Variants in TAFA1 observed in about 807,000 individuals in gnomAD.
TAFA1 encodes TAFA chemokine like family member 1.
Under a neutral mutation model 18.5 loss-of-function variants are expected in TAFA1, and 4 were observed. That is an observed-to-expected ratio of 0.22 (90% CI 0.11 to 0.49). TAFA1 has a LOEUF of 0.49. TAFA1 is among the 20% of genes least tolerant of loss of function. TAFA1 has a pLI of 0.98. For synonymous variants in TAFA1, 56 were observed against 55.2 expected, an observed-to-expected ratio of 1.01 and a Z score of -0.06; for missense variants, 147 against 169.0, an observed-to-expected ratio of 0.87 and a Z score of 0.72.
At chr3:68,135,855 T>C (rs2065600937) in intron 2 of TAFA1, among the ~76,000 whole-genome samples, 1 of 152,226 alleles carries the variant, frequency 6.6e-6, no homozygotes, top group African/African-American at 2.4e-5. Context: ...GATGTATGTT[T>C]CACACATATT....
intron 3 of TAFA1, among the ~76,000 whole-genome samples, chr3:68,536,432 C>T (rs989591787): frequency 5.3e-5 from 8 of 152,150 alleles, no homozygotes; most frequent in African/African-American, 1.9e-4. Flanking sequence ...TGGAGAGCAT[C>T]TTTGGAACAT....
intron 2 of TAFA1, among the ~76,000 whole-genome samples, chr3:68,373,504 A>C (rs1474310173): frequency 1.3e-5 from 2 of 152,194 alleles, no homozygotes; most frequent in East Asian, 3.9e-4. Flanking sequence ...TGTTCAAAGA[A>C]ACATAAGACT....
intron 2 of TAFA1, among the ~76,000 whole-genome samples, chr3:68,086,480 C>T (rs1225428874): frequency 6.6e-6 from 1 of 152,154 alleles, no homozygotes; most frequent in African/African-American, 2.4e-5. Flanking sequence ...CTGATTGTTG[C>T]ATGTTAAAAC....
chr3:68,282,613 T>C (rs746988170), intron 2 of TAFA1, among the ~76,000 whole-genome samples: 2 of 152,158 alleles, frequency 1.3e-5, no homozygotes, highest in Non-Finnish European at 2.9e-5. Flanking sequence ...CTGGGTACAA[T>C]CCAGGGAGTG....
chr3:68,408,578 C>T (rs1325597838), intron 2 of TAFA1, among the ~76,000 whole-genome samples: 1 of 152,168 alleles, frequency 6.6e-6, no homozygotes, highest in Non-Finnish European at 1.5e-5. Context: ...TTCCTATTTT[C>T]CTTTTCTTTC....
At chr3:68,497,984 C>G (rs549602402) in intron 3 of TAFA1, among the ~76,000 whole-genome samples, 1 of 152,186 alleles carries the variant, frequency 6.6e-6, no homozygotes, top group African/African-American at 2.4e-5. Context: ...CCACTTGGAT[C>G]TGATGCTACT....
chr3:68,399,675 C>T (rs1188047231), intron 2 of TAFA1, among the ~76,000 whole-genome samples: 1 of 152,164 alleles, frequency 6.6e-6, no homozygotes, highest in East Asian at 1.9e-4. Flanking sequence ...CGACTACCCA[C>T]TTTGAGTGGT....
intron 2 of TAFA1, among the ~76,000 whole-genome samples, chr3:68,316,198 A>C (rs1247429794): frequency 6.6e-6 from 1 of 152,208 alleles, no homozygotes; most frequent in Middle Eastern, 3.2e-3. Flanking sequence ...TTTATTTCAA[A>C]TGTGCATTTT....
intron 2 of TAFA1, among the ~76,000 whole-genome samples, chr3:68,372,226 T>C (rs1438341545): frequency 6.6e-6 from 1 of 152,140 alleles, no homozygotes; most frequent in African/African-American, 2.4e-5. Context: ...TGAAATACAA[T>C]AAGGACAGTG....
At chr3:68,500,249 T>G (rs953173711) in intron 3 of TAFA1, among the ~76,000 whole-genome samples, 2 of 152,148 alleles carry the variant, frequency 1.3e-5, no homozygotes, top group African/African-American at 4.8e-5. Context: ...TTTCAAACTC[T>G]CCATCATGAA....
chr3:68,526,518 T>C (rs927583661), intron 3 of TAFA1, among the ~76,000 whole-genome samples: 2 of 152,126 alleles, frequency 1.3e-5, no homozygotes, highest in Non-Finnish European at 2.9e-5. Context: ...CACAGTGGAA[T>C]CAACCAAAAG....
At chr3:68,380,900 T>C (rs1174492259) in intron 2 of TAFA1, among the ~76,000 whole-genome samples, 30 of 150,656 alleles carry the variant, frequency 2.0e-4, no homozygotes, top group Admixed American at 2.0e-3. Context: ...TTTATGGTTT[T>C]AGGTCTAACA....
At chr3:68,157,827 C>T (rs765600013) in intron 2 of TAFA1, among the ~76,000 whole-genome samples, 14 of 152,158 alleles carry the variant, frequency 9.2e-5, no homozygotes, top group Non-Finnish European at 2.1e-4. Context: ...TCACCTTTGG[C>T]TTTATTATTA....
rs562613934 is a variant in TAFA1, at chr3:68,327,876, T to G, written c.119-89404T>G. 1.8e-4 allele frequency among the ~76,000 whole-genome samples: 28 copies of G among 152,310 alleles called. No homozygotes were observed. The South Asian group carries it at 5.4e-3, about 29-fold the overall frequency. The stretch of plus-strand genomic sequence containing the variant: ...ATTAGTCTCCATAATGAAAAAGATA[T>G]GGACCCAGGTGGTCTACAAACCAGA... On this transcript the variant is annotated intron_variant, in intron 2 of 4. Transcript: ENST00000478136.
intron 2 of TAFA1, among the ~76,000 whole-genome samples, chr3:68,344,784 A>G (rs1002827437): frequency 3.3e-5 from 5 of 152,096 alleles, no homozygotes; most frequent in Non-Finnish European, 7.4e-5. Context: ...GCTTTGTGTC[A>G]TTGTTTTTAT....
chr3:68,536,451 G>C (rs1250109753), intron 3 of TAFA1, among the ~76,000 whole-genome samples: 1 of 152,160 alleles, frequency 6.6e-6, no homozygotes, highest in African/African-American at 2.4e-5. Flanking sequence ...ATGGGGGATG[G>C]AGGGGAGTGA....
intron 3 of TAFA1, among the ~76,000 whole-genome samples, chr3:68,510,187 C>G (rs1377108523): frequency 1.3e-5 from 2 of 152,072 alleles, no homozygotes; most frequent in African/African-American, 4.8e-5. Context: ...CTTAATCACT[C>G]TCGTAGGCAG....
intron 3 of TAFA1, among the ~76,000 whole-genome samples, chr3:68,459,184 A>G (rs2071726951): frequency 6.6e-6 from 1 of 152,208 alleles, no homozygotes; most frequent in African/African-American, 2.4e-5. Flanking sequence ...GCTGAGGGCA[A>G]TTCCCATTGC....
At chr3:68,091,676 C>T (rs1449640331) in intron 2 of TAFA1, among the ~76,000 whole-genome samples, 1 of 151,998 alleles carries the variant, frequency 6.6e-6, no homozygotes, top group Non-Finnish European at 1.5e-5. Flanking sequence ...AATGAGCAAA[C>T]TGAGGATGAA....
Sources: allele counts gnomAD v4.1 joint callset (sites outside exome capture counted in the v4.1 genomes callset), GRCh38; gene constraint gnomAD v4.1.1; transcripts MANE v1.5; gene names NCBI Gene and HGNC (gene_info 2026-07-23, HGNC 2026-07-21).